EDNRB: variants seen among roughly 807,000 people sequenced by gnomAD.
The protein encoded by EDNRB is Hirschsprung disease 2.
A neutral mutation model predicts 46.4 loss-of-function variants in EDNRB; 18 were observed. That is an observed-to-expected ratio of 0.39 (90% confidence interval 0.27 to 0.57). The LOEUF (loss-of-function observed/expected upper bound fraction) is 0.57, where lower values mean the gene tolerates loss of function less well. EDNRB is among the 20% of genes least tolerant of loss of function. EDNRB has a pLI of 0.61. For missense variants in EDNRB, 434 were observed against 537.5 expected (o/e 0.81, Z 1.90); for synonymous variants, 213 against 204.9 (o/e 1.04, Z -0.34).
At chr13:77,938,233 G>C (rs1880626226) in intron 1 of EDNRB, among the ~76,000 whole-genome samples, 1 of 152,046 alleles carries the variant, frequency 6.6e-6, no homozygotes, top group African/African-American at 2.4e-5. Context: ...AAGGGTCCGG[G>C]GGTTCTTACC....
chr13:77,943,242 T>A (rs1392308331), intron 1 of EDNRB, among the ~76,000 whole-genome samples: 2 of 152,122 alleles, frequency 1.3e-5, no homozygotes, highest in Non-Finnish European at 2.9e-5. Flanking sequence ...CAGACAGACT[T>A]GAATCTATTA....
intron 1 of EDNRB, among the ~76,000 whole-genome samples, chr13:77,930,371 T>C (rs962749435): frequency 6.6e-6 from 1 of 152,204 alleles, no homozygotes; most frequent in African/African-American, 2.4e-5. Flanking sequence ...ATGCATGAAG[T>C]ATGTTCCCAA....
chr13:77,939,203 C>G (rs1302598359), intron 1 of EDNRB: 1 of 152,078 alleles, frequency 6.6e-6, no homozygotes, highest in Non-Finnish European at 1.5e-5. Flanking sequence ...AGTAGGGGAG[C>G]TTTTGAGCCA....
At chr13:77,959,022 G>T (rs1408930540) in intron 1 of EDNRB, among the ~76,000 whole-genome samples, 4 of 152,214 alleles carry the variant, frequency 2.6e-5, no homozygotes, top group African/African-American at 7.2e-5. Flanking sequence ...ACAAGGAGGG[G>T]TGAATGATCT....
At chr13:77,909,427 C>T (rs867803881) in intron 1 of EDNRB, among the ~76,000 whole-genome samples, 6 of 151,886 alleles carry the variant, frequency 4.0e-5, no homozygotes, top group Admixed American at 2.0e-4. Flanking sequence ...TTAAAAATCA[C>T]ATACTTGAGA....
At chr13:77,943,131 C>A (rs534319256) in intron 1 of EDNRB, among the ~76,000 whole-genome samples, 2 of 152,158 alleles carry the variant, frequency 1.3e-5, no homozygotes, top group East Asian at 3.9e-4. Flanking sequence ...AAAAGCTATT[C>A]TTTGATTTAA....
intron 6 of EDNRB, 122 bp downstream of exon 6, chr13:77,899,737 G>T: frequency 1.3e-6 from 1 of 741,818 alleles, no homozygotes; most frequent in Non-Finnish European, 2.2e-6. Context: ...CATCCATGAT[G>T]TAATAAAAGG....
intron 1 of EDNRB, among the ~76,000 whole-genome samples, chr13:77,962,172 T>C (rs995334769): frequency 6.6e-6 from 1 of 152,084 alleles, no homozygotes; most frequent in Non-Finnish European, 1.5e-5. Context: ...CAGGACCAAA[T>C]GGATTCACAG....
intron 1 of EDNRB, among the ~76,000 whole-genome samples, chr13:77,943,005 C>T (rs78343641): frequency 0.024 from 3,649 of 152,154 alleles, 139 homozygotes; most frequent in African/African-American, 0.081. Context: ...TTGACAGAAA[C>T]GTTTAGCCTG....
chr13:77,974,433 C>T (rs12720117), intron 1 of EDNRB, among the ~76,000 whole-genome samples: 13,025 of 152,188 alleles, frequency 0.086, 724 homozygotes, highest in Non-Finnish European at 0.12. Context: ...TTTTGGGATA[C>T]GCCCTTGTTT....
At chr13:77,900,391 A>C (rs1878898302) in intron 5 of EDNRB, 130 bp downstream of exon 5, 1 of 1,298,220 alleles carries the variant, frequency 7.7e-7, no homozygotes, top group Non-Finnish European at 1.1e-6. Context: ...TCAGATAAAA[A>C]TTGGGAGTCT....
intron 1 of EDNRB, among the ~76,000 whole-genome samples, chr13:77,908,039 A>AG (rs1398733317): frequency 2.5e-4 from 16 of 65,024 alleles, no homozygotes; most frequent in African/African-American, 1.0e-3. Flanking sequence ...AAAAAAAAAA[A>AG]AAAAAGAGAG....
At chr13:77,903,064 CAA>C in intron 3 of EDNRB, 90 bp downstream of exon 3, 1 of 1,344,236 alleles carries the variant, frequency 7.4e-7, no homozygotes, top group East Asian at 2.4e-5. Context: ...AGTCATAAAT[CAA>C]CAGTTTCCCA....
chr13:77,932,185 G>A (rs76014805), intron 1 of EDNRB, among the ~76,000 whole-genome samples: 1 of 152,150 alleles, frequency 6.6e-6, no homozygotes, highest in African/African-American at 2.4e-5. Flanking sequence ...ACACATATGA[G>A]GGGGTGAAAC....
At chr13:77,956,013 C>A (rs1274439116) in intron 1 of EDNRB, among the ~76,000 whole-genome samples, 1 of 151,978 alleles carries the variant, frequency 6.6e-6, no homozygotes, top group Non-Finnish European at 1.5e-5. Flanking sequence ...TATTTGGGGT[C>A]TTTTGTGGCT....
chr13:77,958,754 T>C (rs1594397525), intron 1 of EDNRB, among the ~76,000 whole-genome samples: 1 of 152,358 alleles, frequency 6.6e-6, no homozygotes, highest in East Asian at 1.9e-4. Context: ...AAAGAAGTTC[T>C]GCTAACATTT....
Position 77,897,194 on chromosome 13 carries a change from A to T in EDNRB, c.*1006T>A. ...ATTATGAGGTCACTGGCATCTCTCC[A>T]TCGTAAAGCTATGAGCACAGGGCCT... On this transcript the variant is annotated 3_prime_UTR_variant, in exon 7 of 7. Coordinates refer to ENST00000646607, the MANE Select transcript of EDNRB (RefSeq NM_001122659.3). The T allele has an allele frequency of 2.0e-6, 2 of 985,392 alleles. No individual in the cohort carries two copies. Among genetic ancestry groups the T allele is most frequent in the Non-Finnish European group, 2.4e-6 (2 of 829,968 alleles). The allele number at this position is 985,392 out of a possible 1,614,324, so 61.0% of individuals were successfully genotyped here. A position where few individuals can be genotyped will look rare whatever the true frequency, so the allele number is the denominator to read the frequency against.
At position 77,953,380 on chromosome 13, in the gene EDNRB, A is replaced by G. The variant is rs903836094; in HGVS notation, c.-52+21967T>C. 2.0e-5 allele frequency among the ~76,000 whole-genome samples: 3 copies of G among 151,432 alleles called. No homozygotes were observed. In the South Asian group the frequency reaches 6.2e-4, roughly 31 times the overall value. Reference sequence around the variant, plus strand: ...AAGATTAAAATATAAATATATATATATATCTTTTATTTTCCATTTATTTGA... The same window carrying G: ...AAGATTAAAATATAAATATATATATGTATCTTTTATTTTCCATTTATTTGA... On this transcript the variant is annotated intron_variant, in intron 1 of 7. Transcript: ENST00000646948.
intron 1 of EDNRB, among the ~76,000 whole-genome samples, chr13:77,934,683 G>A (rs533537846): frequency 4.1e-4 from 62 of 150,994 alleles, no homozygotes; most frequent in Non-Finnish European, 7.7e-4. Context: ...TAGGAAAGGG[G>A]GGGGGGGGCC....
Sources: allele counts gnomAD v4.1 joint callset (sites outside exome capture counted in the v4.1 genomes callset), GRCh38; gene constraint gnomAD v4.1.1; transcripts MANE v1.5; gene names NCBI Gene and HGNC (gene_info 2026-07-23, HGNC 2026-07-21).